The following CSMD3 variants were observed in gnomAD, a reference collection of about 807,000 sequenced individuals.
The protein encoded by CSMD3 is CUB and Sushi multiple domains 3.
CSMD3 carries 177 observed loss-of-function variants against 435.2 expected under a neutral mutation model. The ratio of observed to expected loss-of-function variants is 0.41; its 90% CI spans 0.36 to 0.46. CSMD3 has a LOEUF of 0.46. CSMD3 is among the 20% of genes least tolerant of loss of function. CSMD3 has a pLI of 0.34. For synonymous variants in CSMD3, 1,656 were observed against 1,520.5 expected (o/e 1.09, Z -2.07); for missense variants, 4,265 against 4,504.6 (o/e 0.95, Z 1.52).
chr8:113,146,433 G>T (rs1411135492), intron 4 of CSMD3, among the ~76,000 whole-genome samples: 1 of 151,502 alleles, frequency 6.6e-6, no homozygotes, highest in Non-Finnish European at 1.5e-5. Flanking sequence ...CACATCATTT[G>T]ATTTACACTC....
At chr8:112,335,503 G>T (rs999140962) in intron 44 of CSMD3, 29 bp from the exon 45 acceptor site, 1 of 1,607,904 alleles carries the variant, frequency 6.2e-7, no homozygotes. Context: ...GAAAGGAGGA[G>T]AGATCAAGAT....
At position 112,705,614 on chromosome 8, in the gene CSMD3, G is replaced by A. The variant is rs188904755; in HGVS notation, c.1973-15564C>T. ...CAGATACCCTAAAAAGGGTAGAGGA[G>A]AAATTTTTCCTCCCCTGCATCACAA... On this transcript the variant is annotated intron_variant, in intron 13 of 70. Transcript: ENST00000297405. Among the ~76,000 whole-genome samples, 52 of 152,012 alleles carry A rather than the reference G, an allele frequency of 3.4e-4. No individual in the cohort carries two copies. In the East Asian group the frequency reaches 9.5e-3, roughly 28 times the overall value.
chr8:112,679,832 G>T (rs563522182), intron 16 of CSMD3, among the ~76,000 whole-genome samples: 1 of 152,262 alleles, frequency 6.6e-6, no homozygotes, highest in Non-Finnish European at 1.5e-5. Context: ...CAGTGCAGGG[G>T]AGGGTGAGGC....
At chr8:112,523,833 T>G (rs1047035657) in intron 27 of CSMD3, among the ~76,000 whole-genome samples, 4 of 152,094 alleles carry the variant, frequency 2.6e-5, no homozygotes, top group Non-Finnish European at 5.9e-5. Flanking sequence ...CTTTAGAATT[T>G]CATTATGTTA....
intron 35 of CSMD3, among the ~76,000 whole-genome samples, chr8:112,391,662 A>G (rs1425884442): frequency 6.6e-6 from 1 of 151,034 alleles, no homozygotes; most frequent in African/African-American, 2.4e-5. Context: ...ACTGCACTCC[A>G]GCCTAGGAGA....
chr8:113,281,061 C>T (rs988846609), intron 2 of CSMD3, among the ~76,000 whole-genome samples: 13 of 151,640 alleles, frequency 8.6e-5, no homozygotes, highest in Admixed American at 6.6e-5. Flanking sequence ...TATTGAGGCT[C>T]GTTTTTGGCC....
chr8:113,320,806 G>T (rs1412293491), intron 1 of CSMD3, among the ~76,000 whole-genome samples: 2 of 151,866 alleles, frequency 1.3e-5, no homozygotes, highest in Non-Finnish European at 2.9e-5. Context: ...TATTTTGCAG[G>T]CTTCTTAGCA....
intron 13 of CSMD3, among the ~76,000 whole-genome samples, chr8:112,758,993 G>C (rs2077770011): frequency 6.6e-6 from 1 of 152,070 alleles, no homozygotes; most frequent in Admixed American, 6.5e-5. Flanking sequence ...ATAATTCAAA[G>C]ACAGGGTTTA....
At chr8:112,503,767 T>C (rs1822222233) in intron 30 of CSMD3, 23 bp downstream of exon 30, 2 of 1,525,480 alleles carry the variant, frequency 1.3e-6, no homozygotes, top group Non-Finnish European at 1.8e-6. Context: ...ATCATGATAC[T>C]AACATGGAAT....
At chr8:112,495,035 T>C (rs1035993763) in intron 30 of CSMD3, among the ~76,000 whole-genome samples, 1 of 152,178 alleles carries the variant, frequency 6.6e-6, no homozygotes, top group African/African-American at 2.4e-5. Context: ...TTCTTTCACA[T>C]AAAATATTCA....
chr8:112,365,291 T>C (rs60128946), intron 38 of CSMD3, among the ~76,000 whole-genome samples: 1 of 151,922 alleles, frequency 6.6e-6, no homozygotes, highest in Admixed American at 6.6e-5. Context: ...ACCTTTCCAT[T>C]AATATTTGAA....
intron 24 of CSMD3, among the ~76,000 whole-genome samples, chr8:112,572,629 A>G (rs988451965): frequency 6.6e-6 from 1 of 152,106 alleles, no homozygotes; most frequent in African/African-American, 2.4e-5. Flanking sequence ...CATTCTAGCA[A>G]TAAAGATTTC....
At chr8:112,297,952 C>A (rs2111424) in intron 53 of CSMD3, among the ~76,000 whole-genome samples, 1 of 148,516 alleles carries the variant, frequency 6.7e-6, no homozygotes, top group Non-Finnish European at 1.5e-5. Context: ...AAGACCCTAT[C>A]TAAAAAATAA....
chr8:113,114,758 A>G (rs1397575757), intron 4 of CSMD3, among the ~76,000 whole-genome samples: 2 of 152,178 alleles, frequency 1.3e-5, no homozygotes, highest in African/African-American at 4.8e-5. Context: ...AATGTTCTCT[A>G]GGTGTTTCTG....
chr8:113,328,730 CTTTTCTTTTT>C (rs2094003498), intron 1 of CSMD3, among the ~76,000 whole-genome samples: 1 of 64,030 alleles, frequency 1.6e-5, no homozygotes, highest in African/African-American at 7.7e-5. Flanking sequence ...TTCCTTCCTT[CTTTTCTTTTT>C]TTTTTTTTTT....
chr8:112,766,255 A>T (rs2077976352), intron 13 of CSMD3, among the ~76,000 whole-genome samples: 1 of 151,792 alleles, frequency 6.6e-6, no homozygotes. Context: ...TGAAAAAATT[A>T]ATGGTAATTA....
chr8:112,967,061 G>A (rs190188533), intron 7 of CSMD3, among the ~76,000 whole-genome samples: 4 of 151,860 alleles, frequency 2.6e-5, no homozygotes, highest in South Asian at 2.1e-4. Flanking sequence ...TTAGAAATGC[G>A]AAATCTCAGA....
At chr8:112,968,703 A>G (rs2084522329) in intron 7 of CSMD3, among the ~76,000 whole-genome samples, 1 of 151,898 alleles carries the variant, frequency 6.6e-6, no homozygotes, top group African/African-American at 2.4e-5. Flanking sequence ...CTGTAATCTA[A>G]TCTCTACAAC....
intron 4 of CSMD3, among the ~76,000 whole-genome samples, chr8:113,113,240 A>G (rs2090718141): frequency 6.6e-6 from 1 of 152,202 alleles, no homozygotes; most frequent in Non-Finnish European, 1.5e-5. Flanking sequence ...CATGCTATGT[A>G]TATAGTTTTT....
Sources: gnomAD v4.1 joint callset for allele counts (sites outside exome capture counted in the v4.1 genomes callset) on GRCh38, gnomAD v4.1.1 for gene constraint, MANE v1.5 for transcripts, NCBI Gene and HGNC (gene_info 2026-07-23, HGNC 2026-07-21) for gene names.